TLL2: variants seen among roughly 807,000 people sequenced by gnomAD.
The protein encoded by TLL2 is tolloid-like protein 2.
TLL2 carries 106 observed loss-of-function variants against 123.0 expected under a neutral mutation model. The ratio of observed to expected loss-of-function variants is 0.86; its 90% confidence interval spans 0.74 to 1.01. The LOEUF is 1.01. Among genes scored for constraint, TLL2 ranks in the 50% least tolerant of loss-of-function variants. The pLI, the probability that TLL2 is intolerant of heterozygous loss-of-function variation, is 0.00. For synonymous variants in TLL2, 494 were observed against 516.8 expected, an observed-to-expected ratio of 0.96 and a Z score of 0.60; for missense variants, 1,332 against 1,336.7, an observed-to-expected ratio of 1.00 and a Z score of 0.06.
At chr10:96,471,885 C>G (rs1773106645) in intron 2 of TLL2, among the ~76,000 whole-genome samples, 1 of 152,120 alleles carries the variant, frequency 6.6e-6, no homozygotes, top group African/African-American at 2.4e-5. Context: ...AAACTGCAAG[C>G]ACGATTGTGT....
intron 1 of TLL2, among the ~76,000 whole-genome samples, chr10:96,489,829 G>A (rs758521304): frequency 5.3e-5 from 8 of 152,118 alleles, no homozygotes; most frequent in Non-Finnish European, 8.8e-5. Flanking sequence ...GGGTGCAGTG[G>A]CTCACGCCTG....
intron 2 of TLL2, among the ~76,000 whole-genome samples, chr10:96,476,248 T>TTTTTTTTTTTTTTTTTTTG (rs1285354320): frequency 4.8e-4 from 33 of 69,216 alleles, no homozygotes; most frequent in African/African-American, 6.2e-4. Context: ...ATATTTTATT[T>TTTTTTTTTTTTTTTTTTTG]TTGTTGTTGT....
intron 3 of TLL2, among the ~76,000 whole-genome samples, chr10:96,434,219 T>C (rs1468028623): frequency 6.6e-6 from 1 of 152,234 alleles, no homozygotes; most frequent in Non-Finnish European, 1.5e-5. Flanking sequence ...ACACCCTATT[T>C]AGCCTTTTAA....
chr10:96,415,192 A>C (rs562278195), intron 7 of TLL2, among the ~76,000 whole-genome samples: 1 of 152,220 alleles, frequency 6.6e-6, no homozygotes, highest in African/African-American at 2.4e-5. Flanking sequence ...CATAACCAAA[A>C]GAATACTTAA....
At chr10:96,391,894 C>T (rs1846293464) in intron 13 of TLL2, among the ~76,000 whole-genome samples, 1 of 152,188 alleles carries the variant, frequency 6.6e-6, no homozygotes, top group Non-Finnish European at 1.5e-5. Flanking sequence ...TTAGTCCACA[C>T]TTTGACAGGC....
At chr10:96,465,281 G>A (rs1847117812) in intron 2 of TLL2, among the ~76,000 whole-genome samples, 1 of 152,242 alleles carries the variant, frequency 6.6e-6, no homozygotes, top group Non-Finnish European at 1.5e-5. Flanking sequence ...GCATTTGTCA[G>A]TAAAATGCAA....
At chr10:96,416,983 C>T (rs970040333) in intron 7 of TLL2, among the ~76,000 whole-genome samples, 13 of 152,154 alleles carry the variant, frequency 8.5e-5, no homozygotes, top group East Asian at 3.9e-4. Context: ...CCAAAGAGAC[C>T]GCTCCCCACA....
At position 96,365,374 on chromosome 10, in the gene TLL2, A is replaced by AT. The variant is rs1223778543; in HGVS notation, c.*2713dup. The AT allele has an allele frequency of 6.6e-6, 1 of 152,164 alleles. No homozygotes were observed. Among genetic ancestry groups the AT allele is most frequent in the Non-Finnish European group, 1.5e-5 (1 of 68,032 alleles). 9.4% of individuals were successfully genotyped at this position (152,164 alleles called of 1,614,324 possible). A position where few individuals can be genotyped will look rare whatever the true frequency, so the allele number is the denominator to read the frequency against. Reference sequence around the variant, plus strand: ...TTCCACTGGCTAAAGTTAATTCCAGATTTTTTCCTGCCCTGCAATCCAGGC... The same window carrying AT: ...TTCCACTGGCTAAAGTTAATTCCAGATTTTTTTCCTGCCCTGCAATCCAGGC... On this transcript the variant is annotated 3_prime_UTR_variant, in exon 21 of 21. Transcript: ENST00000357947.
intron 1 of TLL2, among the ~76,000 whole-genome samples, chr10:96,506,165 T>C (rs1006064631): frequency 2.5e-4 from 34 of 134,416 alleles, no homozygotes; most frequent in Non-Finnish European, 9.1e-5. Flanking sequence ...GGCAGGACAA[T>C]CAATTGAATC....
chr10:96,466,056 G>C (rs959513778), intron 2 of TLL2, among the ~76,000 whole-genome samples: 1 of 152,216 alleles, frequency 6.6e-6, no homozygotes, highest in African/African-American at 2.4e-5. Context: ...AAGGGGAATG[G>C]GAAAGTCATG....
rs1459676920 is a variant in TLL2, at chr10:96,395,880, A to G, written c.1525T>C (p.Phe509Leu). 9 of 1,614,150 alleles carry G rather than the reference A, an allele frequency of 5.6e-6. No individual in the cohort carries two copies. Among genetic ancestry groups the G allele is most frequent in the Non-Finnish European group, 7.6e-6 (9 of 1,180,012 alleles). ...CCGGTCTGAGCAGCACTCACCTCAA[A>G]AGCTTGGAAGGTAAGTCCCACGTGA... ...GFHVGLTFQA[F>L]EIERHDSCAY... Residue 509 changes from phenylalanine (F) to leucine (L), a missense_variant, in exon 12 of 21, where the codon TTT (phenylalanine) becomes CTT (leucine). Coordinates refer to ENST00000357947, the MANE Select transcript of TLL2 (RefSeq NM_012465.4).
chr10:96,464,678 G>T (rs1296719320), intron 2 of TLL2, among the ~76,000 whole-genome samples: 1 of 152,166 alleles, frequency 6.6e-6, no homozygotes, highest in Non-Finnish European at 1.5e-5. Context: ...TACTGCTTCT[G>T]TATCAATAGT....
At chr10:96,410,327 C>T (rs779538860) in intron 9 of TLL2, 32 bp downstream of exon 9, 59 of 1,532,286 alleles carry the variant, frequency 3.9e-5, no homozygotes, top group South Asian at 4.5e-5. Context: ...CAAGGAGTGC[C>T]GTCCCATTTG....
At chr10:96,401,781 G>C (rs997453508) in intron 10 of TLL2, among the ~76,000 whole-genome samples, 2 of 152,238 alleles carry the variant, frequency 1.3e-5, no homozygotes, top group African/African-American at 4.8e-5. Flanking sequence ...GGGAACTTCA[G>C]TAACAGACAG....
chr10:96,391,766 GATTCATGGTC>G (rs78858111), intron 13 of TLL2, among the ~76,000 whole-genome samples: 2 of 152,194 alleles, frequency 1.3e-5, no homozygotes, highest in Non-Finnish European at 2.9e-5. Flanking sequence ...CCTACTTTAA[GATTCATGGTC>G]AAGGTCAATG....
At chr10:96,463,105 A>G (rs1847095784) in intron 2 of TLL2, among the ~76,000 whole-genome samples, 2 of 152,340 alleles carry the variant, frequency 1.3e-5, no homozygotes, top group Non-Finnish European at 2.9e-5. Context: ...CAAATTCACG[A>G]ATATAAAATC....
rs753690086 is a variant in TLL2 at position 96,370,262 on chromosome 10, C to G, written c.2716G>C (p.Ala906Pro). 1.2e-6 allele frequency: 2 copies of G among 1,610,984 alleles called. No individual in the cohort carries two copies. The highest frequency in any genetic ancestry group is 1.7e-6 in the Non-Finnish European group (2 of 1,178,390). Residue 906 changes from alanine to proline, a missense_variant, in exon 20 of 21, where the codon GCC (alanine) becomes CCC (proline). By Grantham distance (27) the Ala-to-Pro change is conservative. Coordinates refer to ENST00000357947, the MANE Select transcript of TLL2 (RefSeq NM_012465.4). ...GGGTAGTTGTTGTCCCCAAACTGGG[C>G]GTGGGAATAGAGCTCTTTGGTCTGC... ...EVQTKELYSH[A>P]QFGDNNYPSE...
intron 1 of TLL2, among the ~76,000 whole-genome samples, chr10:96,510,413 TAA>T (rs1847617567): frequency 6.6e-6 from 1 of 152,210 alleles, no homozygotes; most frequent in African/African-American, 2.4e-5. Flanking sequence ...TCACTTGATT[TAA>T]AAGTCATCCC....
Position 96,366,481 on chromosome 10 carries a change from AT to A in TLL2, c.*1606del, listed in dbSNP as rs879904507. 6.6e-6 allele frequency: 1 copy of A among 152,508 alleles called. No individual in the cohort carries two copies. Among genetic ancestry groups the A allele is most frequent in the Admixed American group, 6.5e-5 (1 of 15,268 alleles). The allele number at this position is 152,508 out of a possible 1,614,324, so 9.4% of individuals were successfully genotyped here. ...GACATATATTATTAATAATACTTTAATTTTTTTCTGTTTTAAGGAAAAAATA... is the reference window on the plus strand; with the variant it reads ...GACATATATTATTAATAATACTTTAATTTTTTCTGTTTTAAGGAAAAAATA... On this transcript the variant is annotated 3_prime_UTR_variant, in exon 21 of 21. Coordinates refer to ENST00000357947, the MANE Select transcript of TLL2 (RefSeq NM_012465.4).
Sources: allele counts gnomAD v4.1 joint callset (sites outside exome capture counted in the v4.1 genomes callset), GRCh38; gene constraint gnomAD v4.1.1; transcripts MANE v1.5; gene names NCBI Gene and HGNC (gene_info 2026-07-23, HGNC 2026-07-21).